RAPGEF5: variants seen among roughly 807,000 people sequenced by gnomAD.
The protein encoded by RAPGEF5 is M-Ras-regulated GEF.
In RAPGEF5, 65 loss-of-function variants were observed where a neutral mutation model predicts 125.2. The ratio of observed to expected loss-of-function variants is 0.52; its 90% confidence interval spans 0.43 to 0.64. The LOEUF is 0.64. RAPGEF5 is among the 30% of genes least tolerant of loss of function. The pLI is 0.00. For synonymous variants in RAPGEF5, 391 were observed against 385.9 expected (o/e 1.01, Z -0.16); for missense variants, 958 against 1,048.1 (o/e 0.91, Z 1.19).
chr7:22,326,237 A>T (rs545111923), intron 1 of RAPGEF5, among the ~76,000 whole-genome samples: 92 of 152,354 alleles, frequency 6.0e-4, no homozygotes, highest in African/African-American at 2.2e-3. Context: ...GGATATATGA[A>T]GAGCTTCAGA....
intron 7 of RAPGEF5, among the ~76,000 whole-genome samples, chr7:22,257,744 C>T (rs1313065568): frequency 6.6e-6 from 1 of 152,090 alleles, no homozygotes; most frequent in Non-Finnish European, 1.5e-5. Flanking sequence ...GTTATTTTTA[C>T]CCCTAGATTG....
At chr7:22,221,565 G>A (rs1176755645) in intron 8 of RAPGEF5, among the ~76,000 whole-genome samples, 1 of 152,150 alleles carries the variant, frequency 6.6e-6, no homozygotes, top group African/African-American at 2.4e-5. Flanking sequence ...ACCAGGTAGA[G>A]GTAATTTAAT....
Position 22,176,221 on chromosome 7 carries a change from G to A in RAPGEF5, c.1205-9073C>T, listed in dbSNP as rs553191173. 2.0e-3 allele frequency among the ~76,000 whole-genome samples: 303 copies of A among 152,228 alleles called. 1 individual carries two copies. The highest frequency in any genetic ancestry group is 3.6e-3 in the Non-Finnish European group (248 of 68,022). ...ATTCACTATCATGAGAACTGCAGGG[G>A]AAAGACTTGCCCCATGATTCAATTC... On this transcript the variant is annotated intron_variant, in intron 11 of 25. Coordinates refer to ENST00000665637, the MANE Select transcript of RAPGEF5 (RefSeq NM_012294.5).
intron 23 of RAPGEF5, among the ~76,000 whole-genome samples, chr7:22,133,897 G>A (rs1782998148): frequency 6.6e-6 from 1 of 152,198 alleles, no homozygotes; most frequent in Non-Finnish European, 1.5e-5. Context: ...AGGATCCTCA[G>A]GTAATCCACT....
rs111457103 is a variant in RAPGEF5 at position 22,255,355 on chromosome 7, A to G, written c.796+11609T>C. On this transcript the variant is annotated intron_variant, in intron 7 of 25. Transcript: ENST00000665637. ...TGTAATCCCAGCACTTTGAGAGGTC[A>G]AGGCGGGAGGACTGCTTGAGCCCAG... Among the ~76,000 whole-genome samples the G allele has an allele frequency of 5.2e-3, 790 of 152,236 alleles. 8 individuals are homozygous for G. Among genetic ancestry groups the G allele is most frequent in the African/African-American group, 0.017 (696 of 41,546 alleles).
intron 20 of RAPGEF5, among the ~76,000 whole-genome samples, chr7:22,143,223 G>T (rs1259408775): frequency 6.6e-6 from 1 of 152,134 alleles, no homozygotes; most frequent in Non-Finnish European, 1.5e-5. Flanking sequence ...CACCATAAAA[G>T]TAATCAATAA....
chr7:22,329,922 G>A (rs1226407230), intron 1 of RAPGEF5, among the ~76,000 whole-genome samples: 2 of 152,188 alleles, frequency 1.3e-5, no homozygotes, highest in Non-Finnish European at 2.9e-5. Context: ...TGCATGGCCA[G>A]CTCTCTCTTC....
intron 6 of RAPGEF5, among the ~76,000 whole-genome samples, chr7:22,269,648 C>A (rs1782371459): frequency 6.6e-6 from 1 of 152,190 alleles, no homozygotes; most frequent in Admixed American, 6.5e-5. Flanking sequence ...CTGGCCTTTG[C>A]AAATAATTGT....
intron 6 of RAPGEF5, among the ~76,000 whole-genome samples, chr7:22,273,405 A>C (rs1285740386): frequency 1.3e-5 from 2 of 151,494 alleles, no homozygotes; most frequent in Non-Finnish European, 2.9e-5. Flanking sequence ...TTTTTAGTAG[A>C]GACGGGGTTT....
intron 1 of RAPGEF5, among the ~76,000 whole-genome samples, chr7:22,350,235 T>C (rs2128389217): frequency 6.6e-6 from 1 of 152,298 alleles, no homozygotes; most frequent in African/African-American, 2.4e-5. Context: ...CTACACAAGT[T>C]GCCAATTACT....
intron 9 of RAPGEF5, among the ~76,000 whole-genome samples, chr7:22,197,263 G>A (rs78705051): frequency 0.02 from 3,036 of 152,240 alleles, 100 homozygotes; most frequent in African/African-American, 0.07. Flanking sequence ...TCATTCTAAA[G>A]GAAATAAGTC....
At chr7:22,329,289 G>T (rs1399198677) in intron 1 of RAPGEF5, among the ~76,000 whole-genome samples, 1 of 152,070 alleles carries the variant, frequency 6.6e-6, no homozygotes, top group South Asian at 2.1e-4. Flanking sequence ...TTAAAAGTAT[G>T]TTTACACTGA....
intron 5 of RAPGEF5, among the ~76,000 whole-genome samples, chr7:22,292,336 A>C (rs1782954423): frequency 6.6e-6 from 1 of 152,230 alleles, no homozygotes; most frequent in South Asian, 2.1e-4. Flanking sequence ...CTTTTCCAGA[A>C]AGAAAGTCCC....
intron 7 of RAPGEF5, among the ~76,000 whole-genome samples, chr7:22,232,794 T>A (rs1428723299): frequency 6.6e-6 from 1 of 152,186 alleles, no homozygotes; most frequent in Non-Finnish European, 1.5e-5. Context: ...GAACAATGTA[T>A]CCCCAAGTGA....
chr7:22,219,835 A>G (rs1292870077), intron 9 of RAPGEF5, 31 bp downstream of exon 9: 1 of 1,569,322 alleles, frequency 6.4e-7, no homozygotes, highest in Non-Finnish European at 8.7e-7. Context: ...CACCCCTTCA[A>G]ACCTGCATCC....
intron 14 of RAPGEF5, among the ~76,000 whole-genome samples, chr7:22,158,516 C>A (rs1380728426): frequency 3.3e-5 from 5 of 152,148 alleles, no homozygotes; most frequent in Non-Finnish European, 7.3e-5. Flanking sequence ...AACACTTTCT[C>A]CTCTATTTGT....
At chr7:22,319,499 T>G (rs1201055307) in intron 1 of RAPGEF5, among the ~76,000 whole-genome samples, 2 of 152,212 alleles carry the variant, frequency 1.3e-5, no homozygotes, top group Non-Finnish European at 2.9e-5. Flanking sequence ...TGTAGCTTGA[T>G]TCAAAGAAAA....
chr7:22,153,882 T>C (rs919289908), intron 17 of RAPGEF5, among the ~76,000 whole-genome samples: 1 of 152,218 alleles, frequency 6.6e-6, no homozygotes, highest in Admixed American at 6.5e-5. Flanking sequence ...TAGTGTCAGC[T>C]TGTAATCTGT....
At position 22,357,002 on chromosome 7, in the gene RAPGEF5, G is replaced by T. The variant is rs1784435155; in HGVS notation, c.59C>A (p.Ala20Asp). The T allele has an allele frequency of 3.9e-6, 4 of 1,024,944 alleles. No homozygotes were observed. Among genetic ancestry groups the T allele is most frequent in the Non-Finnish European group, 4.7e-6 (4 of 857,790 alleles). 63.5% of individuals were successfully genotyped at this position (1,024,944 alleles called of 1,614,324 possible). Residue 20 changes from alanine to aspartate, a missense_variant, in exon 1 of 26, where the codon GCC becomes GAC. Transcript: ENST00000665637. ...TGCCGCCACCACCGCCGCCGCGGCG[G>T]CCAGGGCCGGGCTCTCGCACGGCGG... ...MQPPCESPAL[A>D]AAAAVVAADG...
Sources: allele counts gnomAD v4.1 joint callset (sites outside exome capture counted in the v4.1 genomes callset), GRCh38; gene constraint gnomAD v4.1.1; transcripts MANE v1.5; gene names NCBI Gene and HGNC (gene_info 2026-07-23, HGNC 2026-07-21).